The following LRBA variants were observed in gnomAD, a reference collection of about 807,000 sequenced individuals.
The protein encoded by LRBA is LPS responsive beige-like anchor protein.
Under a neutral mutation model 330.0 loss-of-function variants are expected in LRBA, and 176 were observed. That is an observed-to-expected ratio of 0.53 (90% CI 0.47 to 0.60). The LOEUF (loss-of-function observed/expected upper bound fraction) is 0.60. Among genes scored for constraint, LRBA ranks in the 20% least tolerant of loss-of-function variants. LRBA has a pLI of 0.00. For missense variants in LRBA, 3,259 were observed against 3,444.8 expected, an observed-to-expected ratio of 0.95 and a Z score of 1.35; for synonymous variants, 1,230 against 1,193.0, an observed-to-expected ratio of 1.03 and a Z score of -0.64.
At chr4:150,876,381 C>A (rs969369956) in intron 17 of LRBA, among the ~76,000 whole-genome samples, 7 of 152,070 alleles carry the variant, frequency 4.6e-5, no homozygotes, top group African/African-American at 1.7e-4. Flanking sequence ...AGATACCATA[C>A]AAAATGAACA....
chr4:150,557,116 G>A (rs1247386368), intron 40 of LRBA, among the ~76,000 whole-genome samples: 3 of 152,126 alleles, frequency 2.0e-5, no homozygotes, highest in Non-Finnish European at 4.4e-5. Flanking sequence ...TGAGCCTCTT[G>A]CCATGTCAGA....
intron 26 of LRBA, among the ~76,000 whole-genome samples, 174 bp from the exon 27 acceptor site, chr4:150,844,953 T>C (rs1256678459): frequency 6.6e-6 from 1 of 152,232 alleles, no homozygotes; most frequent in Non-Finnish European, 1.5e-5. Context: ...GGTTGTCTGA[T>C]ATTGTTAGCT....
At chr4:150,510,536 C>T (rs762883285) in intron 40 of LRBA, among the ~76,000 whole-genome samples, 28 of 152,198 alleles carry the variant, frequency 1.8e-4, no homozygotes, top group African/African-American at 6.0e-4. Flanking sequence ...CACTCTTGTA[C>T]CTTCACAAAT....
intron 2 of LRBA, among the ~76,000 whole-genome samples, chr4:150,937,280 T>C (rs989802576): frequency 3.9e-5 from 6 of 152,220 alleles, no homozygotes; most frequent in African/African-American, 1.4e-4. Context: ...ATGTTAACCC[T>C]TTCTAATAGT....
rs758672358 is a variant in LRBA at position 150,526,657 on chromosome 4, A to G, written c.6331-35622T>C. ...TATATTAATCTATGAAACAATTTCA[A>G]TAATTATGCCAGATTTGTATCATCT... On this transcript the variant is annotated intron_variant, in intron 40 of 56. Coordinates refer to ENST00000651943, the MANE Select transcript of LRBA (RefSeq NM_001364905.1). Among the ~76,000 whole-genome samples the G allele has an allele frequency of 7.9e-5, 12 of 152,290 alleles. No homozygotes were observed. The South Asian group carries it at 2.3e-3, about 29-fold the overall frequency.
At chr4:150,819,179 T>C (rs911763939) in intron 30 of LRBA, among the ~76,000 whole-genome samples, 6 of 150,972 alleles carry the variant, frequency 4.0e-5, no homozygotes, top group African/African-American at 1.5e-4. Context: ...AAGGAGTATA[T>C]ACTTTATGGG....
intron 48 of LRBA, among the ~76,000 whole-genome samples, chr4:150,334,739 T>A (rs1219213620): frequency 6.6e-6 from 1 of 150,782 alleles, no homozygotes; most frequent in Non-Finnish European, 1.5e-5. Context: ...AACAAAACAA[T>A]TTTCATTTTG....
intron 40 of LRBA, among the ~76,000 whole-genome samples, chr4:150,517,552 G>A (rs1762483126): frequency 6.6e-6 from 1 of 151,822 alleles, no homozygotes; most frequent in Non-Finnish European, 1.5e-5. Flanking sequence ...GTGTTCTGGG[G>A]GATAGATGAT....
At chr4:150,896,542 T>A (rs2127115773) in intron 15 of LRBA, 86 bp from the exon 16 acceptor site, 2 of 696,088 alleles carry the variant, frequency 2.9e-6, no homozygotes, top group Non-Finnish European at 5.0e-6. Context: ...GTCAAGTTGG[T>A]CAGCTACTAT....
At chr4:150,457,090 A>C (rs1402467568) in intron 44 of LRBA, among the ~76,000 whole-genome samples, 1 of 152,136 alleles carries the variant, frequency 6.6e-6, no homozygotes, top group East Asian at 1.9e-4. Context: ...TAAATTAAAA[A>C]AACTATTTGT....
At chr4:150,958,640 A>C (rs1737813064) in intron 2 of LRBA, among the ~76,000 whole-genome samples, 1 of 149,238 alleles carries the variant, frequency 6.7e-6, no homozygotes. Flanking sequence ...CAAATTTTCC[A>C]AACTTTTACA....
At chr4:150,297,840 ATATTTATCG>A (rs1455100434) in intron 53 of LRBA, among the ~76,000 whole-genome samples, 1 of 152,196 alleles carries the variant, frequency 6.6e-6, no homozygotes, top group Non-Finnish European at 1.5e-5. Context: ...CTTACACAAA[ATATTTATCG>A]TACAGTTGCA....
intron 40 of LRBA, among the ~76,000 whole-genome samples, chr4:150,547,767 A>T (rs954527185): frequency 6.6e-6 from 1 of 152,178 alleles, no homozygotes; most frequent in Non-Finnish European, 1.5e-5. Context: ...ATCAAGGATT[A>T]AAATGTGGCT....
At chr4:150,572,297 CT>C (rs1769976010) in intron 40 of LRBA, among the ~76,000 whole-genome samples, 1 of 151,792 alleles carries the variant, frequency 6.6e-6, no homozygotes, top group African/African-American at 2.4e-5. Flanking sequence ...TTTGTTTTTT[CT>C]TTTTTTCTAT....
At chr4:150,449,616 A>G (rs915211412) in intron 44 of LRBA, among the ~76,000 whole-genome samples, 1 of 152,022 alleles carries the variant, frequency 6.6e-6, no homozygotes, top group Admixed American at 6.5e-5. Context: ...GAACAGTGAG[A>G]AAAAACATCC....
At chr4:150,768,160 A>G (rs13136857) in intron 34 of LRBA, among the ~76,000 whole-genome samples, 1 of 151,896 alleles carries the variant, frequency 6.6e-6, no homozygotes, top group African/African-American at 2.4e-5. Context: ...AGAGGGGGCA[A>G]CAGTACATGA....
intron 2 of LRBA, among the ~76,000 whole-genome samples, chr4:150,981,809 A>C (rs985503066): frequency 1.3e-5 from 2 of 151,788 alleles, no homozygotes; most frequent in African/African-American, 4.8e-5. Flanking sequence ...AAATACAAAA[A>C]ATTAGCCGGG....
At chr4:150,415,331 C>T in intron 47 of LRBA, 107 bp downstream of exon 47, 1 of 886,506 alleles carries the variant, frequency 1.1e-6, no homozygotes, top group Non-Finnish European at 1.7e-6. Flanking sequence ...AGTCCTATCA[C>T]CTACAGCTTT....
At chr4:150,855,352 GA>G (rs1245086537) in intron 22 of LRBA, among the ~76,000 whole-genome samples, 1 of 152,122 alleles carries the variant, frequency 6.6e-6, no homozygotes, top group Non-Finnish European at 1.5e-5. Flanking sequence ...ATTGTCAAAA[GA>G]AAGCAAGTTA....
Sources: allele counts gnomAD v4.1 joint callset (sites outside exome capture counted in the v4.1 genomes callset), GRCh38; gene constraint gnomAD v4.1.1; transcripts MANE v1.5; gene names NCBI Gene and HGNC (gene_info 2026-07-23, HGNC 2026-07-21).